The following WIPI2 variants were observed in gnomAD, a reference collection of about 807,000 sequenced individuals.
WIPI2 encodes WD repeat domain, phosphoinositide interacting 2, also known as WD repeat domain phosphoinositide-interacting protein 2.
A neutral mutation model predicts 52.3 loss-of-function variants in WIPI2; 28 were observed. That is an observed-to-expected ratio of 0.54 (90% confidence interval 0.40 to 0.73). WIPI2 has a LOEUF of 0.73. Among genes scored for constraint, WIPI2 ranks in the 30% least tolerant of loss-of-function variants. The pLI is 0.00. For synonymous variants in WIPI2, 268 were observed against 245.0 expected (o/e 1.09, Z -0.88); for missense variants, 506 against 602.9 (o/e 0.84, Z 1.68).
chr7:5,200,029 C>G (rs974360037), intron 3 of WIPI2, among the ~76,000 whole-genome samples: 1 of 152,172 alleles, frequency 6.6e-6, no homozygotes, highest in Non-Finnish European at 1.5e-5. Flanking sequence ...CCTGTAGGAA[C>G]AATTTATTTT....
Position 5,230,010 on chromosome 7 carries a change from T to C in WIPI2, c.1252+272T>C, listed in dbSNP as rs544578580. ...GTCTCAAACTCCTCCTGGGCTCAAG[T>C]GATTCTCCCGCCTCAGCCTCCCACA... is the stretch of plus-strand genomic sequence containing the variant. On this transcript the variant is annotated intron_variant, in intron 12 of 12. Transcript: ENST00000288828. The surrounding 1 kb of genome is among the most constrained non-coding windows in gnomAD (Gnocchi z 4.8). Among the ~76,000 whole-genome samples the C allele has an allele frequency of 6.6e-6, 1 of 150,678 alleles. No homozygotes were observed. The highest frequency in any genetic ancestry group is 2.4e-5 in the African/African-American group (1 of 40,962).
chr7:5,199,682 CCTT>C, intron 3 of WIPI2, 24 bp downstream of exon 3: 3 of 1,556,026 alleles, frequency 1.9e-6, no homozygotes, highest in Non-Finnish European at 2.6e-6. Context: ...TTATTTTTCC[CCTT>C]CTTAAAAAAA....
At chr7:5,224,984 T>C (rs1043520088) in intron 8 of WIPI2, among the ~76,000 whole-genome samples, 6 of 152,188 alleles carry the variant, frequency 3.9e-5, no homozygotes, top group Non-Finnish European at 5.9e-5. Flanking sequence ...CAACACTGAC[T>C]CCAGGAAAAC....
intron 2 of WIPI2, among the ~76,000 whole-genome samples, chr7:5,194,721 C>T (rs1033314737): frequency 2.0e-5 from 3 of 152,124 alleles, no homozygotes; most frequent in African/African-American, 7.2e-5. Context: ...GTGATCCTCC[C>T]GCCTGGGTAG....
intron 3 of WIPI2, among the ~76,000 whole-genome samples, chr7:5,210,293 C>G (rs1782491429): frequency 6.6e-6 from 1 of 152,218 alleles, no homozygotes; most frequent in Non-Finnish European, 1.5e-5. Context: ...TCCTACACAT[C>G]TCCATCAAAA....
At chr7:5,200,678 G>A (rs1781979545) in intron 3 of WIPI2, among the ~76,000 whole-genome samples, 1 of 152,098 alleles carries the variant, frequency 6.6e-6, no homozygotes, top group Admixed American at 6.6e-5. Context: ...CTTTGTGCTG[G>A]TGACTTTTAA....
intron 4 of WIPI2, 24 bp from the exon 5 acceptor site, chr7:5,216,539 G>C (rs1259239857): frequency 1.2e-6 from 2 of 1,608,970 alleles, no homozygotes; most frequent in Non-Finnish European, 1.7e-6. Context: ...CTTCACGTTT[G>C]GTTTCGTTTT....
chr7:5,204,696 GT>G (rs533063392), intron 3 of WIPI2, among the ~76,000 whole-genome samples: 27 of 147,952 alleles, frequency 1.8e-4, no homozygotes, highest in Non-Finnish European at 2.5e-4. Flanking sequence ...CTACTACTGC[GT>G]TTTTTTTTTT....
At chr7:5,219,355 A>T (rs904936721) in intron 7 of WIPI2, among the ~76,000 whole-genome samples, 1 of 152,042 alleles carries the variant, frequency 6.6e-6, no homozygotes, top group African/African-American at 2.4e-5. Context: ...AAATTCTGTT[A>T]CCCTTTGACT....
intron 11 of WIPI2, among the ~76,000 whole-genome samples, chr7:5,229,177 T>G (rs942269522): frequency 6.6e-6 from 1 of 152,104 alleles, no homozygotes; most frequent in Non-Finnish European, 1.5e-5. Context: ...CACCATGCCC[T>G]GCTAATTTTT....
chr7:5,198,350 A>G (rs919693203), intron 2 of WIPI2, among the ~76,000 whole-genome samples: 2 of 149,650 alleles, frequency 1.3e-5, no homozygotes, highest in South Asian at 2.1e-4. Context: ...GTCTCGCTCT[A>G]TCACCCAGTC....
chr7:5,190,646 G>A, intron 1 of WIPI2, 153 bp downstream of exon 1: 1 of 679,696 alleles, frequency 1.5e-6, no homozygotes, highest in East Asian at 3.7e-5. Flanking sequence ...GGCCCGGGGC[G>A]TGCAGGGAGG....
intron 2 of WIPI2, among the ~76,000 whole-genome samples, chr7:5,198,676 C>G (rs1300790066): frequency 6.6e-6 from 1 of 152,154 alleles, no homozygotes; most frequent in African/African-American, 2.4e-5. Flanking sequence ...CTTGAGAAAC[C>G]TCAGTTTGTT....
chr7:5,195,756 T>C (rs1275264212), intron 2 of WIPI2, among the ~76,000 whole-genome samples: 3 of 152,152 alleles, frequency 2.0e-5, no homozygotes, highest in Non-Finnish European at 2.9e-5. Flanking sequence ...AAAATACTCA[T>C]CTAGGCCAGG....
rs568035073 is a variant in WIPI2, at chr7:5,199,815, G to A, written c.211+157G>A. Among the ~76,000 whole-genome samples, 4 of 152,302 alleles carry A rather than the reference G, an allele frequency of 2.6e-5. No individual in the cohort carries two copies. In the East Asian group the frequency reaches 7.7e-4, roughly 29 times the overall value. ...TTCATCTCCCCAAGAGGTGGCAACTGGTGACACCTGTGGCCGTCTGCCCTG... is the reference window on the plus strand; with the variant it reads ...TTCATCTCCCCAAGAGGTGGCAACTAGTGACACCTGTGGCCGTCTGCCCTG... On this transcript the variant is annotated intron_variant, in intron 3 of 12. Coordinates refer to ENST00000288828, the MANE Select transcript of WIPI2 (RefSeq NM_015610.4).
chr7:5,195,443 A>C (rs1781701055), intron 2 of WIPI2, among the ~76,000 whole-genome samples: 1 of 152,218 alleles, frequency 6.6e-6, no homozygotes, highest in Non-Finnish European at 1.5e-5. Flanking sequence ...GCGAGATCGC[A>C]CCACTGTGCC....
chr7:5,217,034 C>A lies in WIPI2; in HGVS notation c.479-56C>A, dbSNP rs879038381. ...TGAATGCTGAATTATGTCTGACATC[C>A]AAGAAGGAACTCTCAGGTGGAAGTT... On this transcript the variant is annotated intron_variant, in intron 5 of 12. Transcript: ENST00000288828. 45 of 1,520,132 alleles carry A rather than the reference C, an allele frequency of 3.0e-5. 2 individuals carry two copies. In the South Asian group the frequency reaches 4.4e-4, roughly 15 times the overall value. The allele number at this position is 1,520,132 out of a possible 1,614,324, so 94.2% of individuals were successfully genotyped here. A position where few individuals can be genotyped will look rare whatever the true frequency, so the allele number is the denominator to read the frequency against.
At chr7:5,223,112 C>T (rs564525198) in intron 8 of WIPI2, among the ~76,000 whole-genome samples, 3 of 152,330 alleles carry the variant, frequency 2.0e-5, no homozygotes, top group Admixed American at 6.5e-5. Context: ...GCCTGGAGTT[C>T]TCTTGTCTTC....
At chr7:5,211,826 C>G (rs1782576348) in intron 3 of WIPI2, among the ~76,000 whole-genome samples, 1 of 152,200 alleles carries the variant, frequency 6.6e-6, no homozygotes. Flanking sequence ...TAGAGCAGAG[C>G]TGAGACTGGA....
Sources: gnomAD v4.1 joint callset for allele counts (sites outside exome capture counted in the v4.1 genomes callset) on GRCh38, gnomAD v4.1.1 for gene constraint, Gnocchi (gnomAD v3.1) non-coding constraint, MANE v1.5 for transcripts, NCBI Gene and HGNC (gene_info 2026-07-23, HGNC 2026-07-21) for gene names.